LNX1: variants seen among roughly 807,000 people sequenced by gnomAD.
LNX1 encodes the protein E3 ubiquitin-protein ligase LNX.
LNX1 carries 54 observed loss-of-function variants against 68.4 expected under a neutral mutation model. That is an observed-to-expected ratio of 0.79 (90% confidence interval 0.63 to 0.99). The LOEUF (loss-of-function observed/expected upper bound fraction) is 0.99. LNX1 is among the 50% of genes least tolerant of loss of function. The pLI, the probability that LNX1 is intolerant of heterozygous loss-of-function variation, is 0.00. For missense variants in LNX1, 906 were observed against 926.4 expected, an observed-to-expected ratio of 0.98 and a Z score of 0.29; for synonymous variants, 336 against 350.0, an observed-to-expected ratio of 0.96 and a Z score of 0.45.
intron 1 of LNX1, among the ~76,000 whole-genome samples, chr4:53,636,748 C>T (rs1000986433): frequency 6.6e-6 from 1 of 152,108 alleles, no homozygotes; most frequent in Admixed American, 6.5e-5. Context: ...CCCTTTTCAT[C>T]TTACACACCC....
chr4:53,482,559 C>A (rs1468545350), intron 6 of LNX1, among the ~76,000 whole-genome samples: 1 of 152,178 alleles, frequency 6.6e-6, no homozygotes, highest in African/African-American at 2.4e-5. Context: ...TTTGCAGCAA[C>A]TTGGATGGAA....
chr4:53,622,802 G>C (rs1733937021), intron 1 of LNX1, among the ~76,000 whole-genome samples: 1 of 152,182 alleles, frequency 6.6e-6, no homozygotes, highest in Admixed American at 6.5e-5. Context: ...GCTGACCCAT[G>C]TGTTACCAGA....
In LNX1 at chr4:53,459,496, A is replaced by G; in HGVS notation, c.*1411T>C. ...TATATTAGTACCAGAAGTAGATACT[A>G]TAAATCTTGTTATTTTTCTGGATAA... On this transcript the variant is annotated 3_prime_UTR_variant, in exon 11 of 11. Coordinates refer to ENST00000263925, the MANE Select transcript of LNX1 (RefSeq NM_001126328.3). The G allele has an allele frequency of 1.9e-6, 3 of 1,610,006 alleles. No homozygotes were observed. The highest frequency in any genetic ancestry group is 1.7e-5 in the Admixed American group (1 of 59,710).
intron 1 of LNX1, among the ~76,000 whole-genome samples, chr4:53,646,702 A>C (rs1454088236): frequency 6.6e-6 from 1 of 152,238 alleles, no homozygotes; most frequent in Non-Finnish European, 1.5e-5. Flanking sequence ...TGCTGGCCAG[A>C]AATGAGCCAT....
intron 2 of LNX1, among the ~76,000 whole-genome samples, chr4:53,508,948 A>AT (rs1726125387): frequency 6.6e-6 from 1 of 151,826 alleles, no homozygotes; most frequent in East Asian, 1.9e-4. Context: ...TATAAAAAAA[A>AT]ATCCAGAAAA....
chr4:53,460,232 TACTA>T lies in LNX1; in HGVS notation c.*671_*674del, dbSNP rs1178438112. ...GGAGCAGCATGAGTTTTTATACAGT[TACTA>T]ACGATTGTGGAAAAAAAGAGCTTTA... On this transcript the variant is annotated 3_prime_UTR_variant, in exon 11 of 11. Transcript: ENST00000263925. The T allele has an allele frequency of 1.0e-5, 2 of 193,490 alleles. No individual in the cohort carries two copies. The highest frequency in any genetic ancestry group is 2.2e-5 in the Non-Finnish European group (2 of 92,798). 12.0% of individuals were successfully genotyped at this position (193,490 alleles called of 1,614,324 possible).
At chr4:53,556,046 G>A (rs1374277145) in intron 2 of LNX1, among the ~76,000 whole-genome samples, 12 of 152,304 alleles carry the variant, frequency 7.9e-5, no homozygotes, top group African/African-American at 2.4e-4. Context: ...CCCAGAACCT[G>A]TGAATGTGAC....
chr4:53,487,957 C>G (rs1724426677), intron 6 of LNX1, among the ~76,000 whole-genome samples: 1 of 152,102 alleles, frequency 6.6e-6, no homozygotes, highest in Admixed American at 6.5e-5. Context: ...TTTTAGAATC[C>G]CTTCCAGCAA....
chr4:53,620,601 C>T (rs548491203), upstream of LNX1, among the ~76,000 whole-genome samples: 1 of 152,252 alleles, frequency 6.6e-6, no homozygotes, highest in South Asian at 2.1e-4. Flanking sequence ...ATGGGTACAA[C>T]GTGCATTGCT....
intron 9 of LNX1, 89 bp downstream of exon 9, chr4:53,476,664 A>G: frequency 9.1e-7 from 1 of 1,092,942 alleles, no homozygotes; most frequent in East Asian, 2.4e-5. Flanking sequence ...TGCTAGTGCC[A>G]TGAATCAGCC....
chr4:53,515,770 G>A (rs567068335), intron 2 of LNX1, among the ~76,000 whole-genome samples: 15 of 152,240 alleles, frequency 9.9e-5, no homozygotes, highest in Non-Finnish European at 1.9e-4. Flanking sequence ...GGCACAGCAC[G>A]GAGGAAAAAG....
chr4:53,486,892 C>G (rs1422675135), intron 6 of LNX1, among the ~76,000 whole-genome samples: 1 of 151,492 alleles, frequency 6.6e-6, no homozygotes, highest in Admixed American at 6.6e-5. Flanking sequence ...TGAATCCATA[C>G]AGTGACTAAG....
intron 1 of LNX1, among the ~76,000 whole-genome samples, chr4:53,578,267 G>A (rs1731621858): frequency 6.6e-6 from 1 of 152,126 alleles, no homozygotes; most frequent in Admixed American, 6.5e-5. Context: ...CTTAATGATG[G>A]GGATATGTTC....
intron 2 of LNX1, among the ~76,000 whole-genome samples, chr4:53,525,651 C>T (rs1437514506): frequency 6.6e-6 from 1 of 152,182 alleles, no homozygotes; most frequent in African/African-American, 2.4e-5. Context: ...TTGCAAAAAC[C>T]ACAATTACTT....
chr4:53,536,351 C>T (rs1728372926), intron 2 of LNX1, among the ~76,000 whole-genome samples: 1 of 152,052 alleles, frequency 6.6e-6, no homozygotes, highest in Non-Finnish European at 1.5e-5. Context: ...GGGACTTTTA[C>T]ACAAACGCCA....
In LNX1 at chr4:53,461,459, G is replaced by A; in HGVS notation, c.2027C>T (p.Pro676Leu). 6.2e-7 allele frequency: 1 copy of A among 1,610,636 alleles called. No individual in the cohort carries two copies. The highest frequency in any genetic ancestry group is 8.5e-7 in the Non-Finnish European group (1 of 1,177,746). The change falls in exon 10 of 11, where the codon CCA becomes CTA. Residue 676 changes from proline to leucine, a missense_variant. Coordinates refer to ENST00000263925, the MANE Select transcript of LNX1 (RefSeq NM_001126328.3). ...CCTAATTCTTCCATCATTGTATGCT[G>A]GTGTTCCTTCAACAATGGATTTGAT... is the stretch of plus-strand genomic sequence containing the variant. ...FFIKSIVEGT[P>L]AYNDGRIRCG...
At chr4:53,596,666 T>A (rs1732768459) in intron 2 of LNX1, among the ~76,000 whole-genome samples, 1 of 152,224 alleles carries the variant, frequency 6.6e-6, no homozygotes, top group South Asian at 2.1e-4. Flanking sequence ...ACATGGCTAC[T>A]TTAATTGACC....
chr4:53,497,511 G>A (rs1443425074), intron 5 of LNX1, among the ~76,000 whole-genome samples: 1 of 152,322 alleles, frequency 6.6e-6, no homozygotes, highest in African/African-American at 2.4e-5. Flanking sequence ...CACAGGTGAG[G>A]AGAGCACCTG....
At chr4:53,492,192 T>TTA (rs1579402132) in intron 6 of LNX1, among the ~76,000 whole-genome samples, 2 of 152,090 alleles carry the variant, frequency 1.3e-5, no homozygotes, top group East Asian at 3.9e-4. Flanking sequence ...ACACAATTCT[T>TTA]AGTAGAATTG....
Sources: allele counts gnomAD v4.1 joint callset (sites outside exome capture counted in the v4.1 genomes callset), GRCh38; gene constraint gnomAD v4.1.1; transcripts MANE v1.5; gene names NCBI Gene and HGNC (gene_info 2026-07-23, HGNC 2026-07-21).